Variants in RYR2 observed in about 807,000 individuals in gnomAD.
RYR2 encodes the protein cardiac muscle ryanodine receptor-calcium release channel.
Under a neutral mutation model 601.1 loss-of-function variants are expected in RYR2, and 227 were observed. That is an observed-to-expected ratio of 0.38 (90% confidence interval 0.34 to 0.42). RYR2 has a LOEUF of 0.42. Ranked by LOEUF, RYR2 falls within the 10% of genes least tolerant of loss-of-function variation. RYR2 has a pLI of 1.00. For synonymous variants in RYR2, 2,223 were observed against 2,175.1 expected (o/e 1.02, Z -0.61); for missense variants, 4,646 against 6,156.5 (o/e 0.75, Z 8.21).
intron 24 of RYR2, among the ~76,000 whole-genome samples, chr1:237,521,828 C>A (rs999965981): frequency 1.3e-5 from 2 of 152,104 alleles, no homozygotes; most frequent in African/African-American, 4.8e-5. Flanking sequence ...ATCCCAAAAT[C>A]TGGGGCCTCC....
At chr1:237,255,063 G>A (rs113127269) in intron 1 of RYR2, among the ~76,000 whole-genome samples, 55 of 152,284 alleles carry the variant, frequency 3.6e-4, no homozygotes, top group Middle Eastern at 3.4e-3. Context: ...CACACATTAT[G>A]ATGAAGTTTA....
Position 237,666,545 on chromosome 1 carries a change from C to T in RYR2, c.8470C>T (p.Arg2824Trp), listed in dbSNP as rs796052204. Residue 2824 changes from arginine to tryptophan, a missense_variant, in exon 57 of 105, where the codon CGG (arginine) becomes TGG (tryptophan). Physicochemically the swap from Arg to Trp is moderately radical, Grantham distance 101 (BLOSUM62 -3). Around this residue, in one of 17 missense-constraint regions of RYR2, gnomAD observed 1,497 missense variants for 1,842.6 expected, o/e 0.81. Coordinates refer to ENST00000366574, the MANE Select transcript of RYR2 (RefSeq NM_001035.3). ...GGACGCTGCCCATGGTTACAGTCCCCGGGCCATTGACATGAGCAATGTTAC... is the reference window on the plus strand; with the variant it reads ...GGACGCTGCCCATGGTTACAGTCCCTGGGCCATTGACATGAGCAATGTTAC... ...SVDAAHGYSP[R>W]AIDMSNVTLS... The T allele has an allele frequency of 8.1e-6, 13 of 1,612,338 alleles. No homozygotes were observed. Among genetic ancestry groups the T allele is most frequent in the South Asian group, 3.3e-5 (3 of 90,682 alleles).
chr1:237,743,860 T>C (rs16835696), intron 80 of RYR2, among the ~76,000 whole-genome samples: 3,230 of 152,316 alleles, frequency 0.021, 118 homozygotes, highest in African/African-American at 0.072. Flanking sequence ...CCAGCTAACT[T>C]TGAGCTGCAT....
At chr1:237,578,497 C>T (rs1434100349) in intron 29 of RYR2, among the ~76,000 whole-genome samples, 6 of 152,308 alleles carry the variant, frequency 3.9e-5, no homozygotes, top group South Asian at 2.1e-4. Flanking sequence ...TTCCCATTGC[C>T]GCCTTCTCTG....
chr1:237,325,382 A>G (rs1230075882), intron 2 of RYR2, among the ~76,000 whole-genome samples: 2 of 152,220 alleles, frequency 1.3e-5, no homozygotes, highest in African/African-American at 4.8e-5. Context: ...ATATGTATAC[A>G]TGTAAATGCA....
At chr1:237,641,992 C>A (rs1007501151) in intron 47 of RYR2, among the ~76,000 whole-genome samples, 18 of 150,204 alleles carry the variant, frequency 1.2e-4, no homozygotes, top group African/African-American at 4.4e-4. Flanking sequence ...AAAAAAAAAT[C>A]CTGGCCCAGG....
At chr1:237,792,013 A>G (rs1266977630) in intron 93 of RYR2, 92 bp from the exon 94 acceptor site, 14 of 887,402 alleles carry the variant, frequency 1.6e-5, no homozygotes, top group South Asian at 8.9e-5. Context: ...ACATCCAACT[A>G]TTTGCTGAAA....
In RYR2 at chr1:237,657,999, C is replaced by T. The variant is rs1355257069; in HGVS notation, c.8185C>T (p.His2729Tyr). The T allele has an allele frequency of 6.6e-7, 1 of 1,507,260 alleles. No homozygotes were observed. Among genetic ancestry groups the T allele is most frequent in the East Asian group, 2.6e-5 (1 of 37,890 alleles). The allele number at this position is 1,507,260 out of a possible 1,614,324, so 93.4% of individuals were successfully genotyped here. A position where few individuals can be genotyped will look rare whatever the true frequency, so the allele number is the denominator to read the frequency against. The change falls in exon 54 of 105, where the codon CAT (histidine) becomes TAT (tyrosine). Residue 2729 changes from histidine to tyrosine, a missense_variant. Coordinates refer to ENST00000366574, the MANE Select transcript of RYR2 (RefSeq NM_001035.3). ...YFINKYAEHS[H>Y]DKWSMDKLAN... ...CATTAACAAATATGCAGAACACTCC[C>T]ATGACAAATGGTCAATGGACAAGGT...
chr1:237,564,686 G>A lies in RYR2; in HGVS notation c.3215-1881G>A, dbSNP rs970331987. Among the ~76,000 whole-genome samples, 4 of 152,130 alleles carry A rather than the reference G, an allele frequency of 2.6e-5. No individual in the cohort carries two copies. The South Asian group carries it at 8.3e-4, about 31-fold the overall frequency. On this transcript the variant is annotated intron_variant, in intron 27 of 104. Coordinates refer to ENST00000366574, the MANE Select transcript of RYR2 (RefSeq NM_001035.3). ...TTTTCAAAATATATTTACTTACCAAGTAATAGGCATGAGAATTTACCCTTA... is the reference window on the plus strand; with the variant it reads ...TTTTCAAAATATATTTACTTACCAAATAATAGGCATGAGAATTTACCCTTA...
chr1:237,397,727 T>G (rs1323545137), intron 10 of RYR2, among the ~76,000 whole-genome samples: 1 of 149,012 alleles, frequency 6.7e-6, no homozygotes, highest in African/African-American at 2.4e-5. Flanking sequence ...TTGGTATCTT[T>G]TTTTTTTTTT....
chr1:237,717,156 G>A (rs1285280351), intron 71 of RYR2, 42 bp from the exon 72 acceptor site: 1 of 1,593,160 alleles, frequency 6.3e-7, no homozygotes. Flanking sequence ...CTACATGTGA[G>A]AAAAGCAGGT....
intron 9 of RYR2, among the ~76,000 whole-genome samples, 152 bp from the exon 10 acceptor site, chr1:237,387,935 G>A (rs950312811): frequency 1.8e-5 from 2 of 108,338 alleles, no homozygotes; most frequent in Admixed American, 2.5e-4. Flanking sequence ...GGGAACAGCA[G>A]GCACTGTCTA....
chr1:237,529,664 G>A (rs904994773), intron 24 of RYR2, among the ~76,000 whole-genome samples: 9 of 151,702 alleles, frequency 5.9e-5, no homozygotes, highest in African/African-American at 2.2e-4. Flanking sequence ...TATCAAGGCA[G>A]GAGAAACCAC....
At chr1:237,430,238 A>G (rs1048306897) in intron 12 of RYR2, among the ~76,000 whole-genome samples, 1 of 151,026 alleles carries the variant, frequency 6.6e-6, no homozygotes, top group Non-Finnish European at 1.5e-5. Flanking sequence ...AATATGTTAT[A>G]TACATAATAT....
chr1:237,351,792 A>G (rs988363066), intron 3 of RYR2, among the ~76,000 whole-genome samples: 1 of 147,734 alleles, frequency 6.8e-6, no homozygotes, highest in African/African-American at 2.5e-5. Flanking sequence ...CTTTCATAAT[A>G]CTTCCCAACT....
intron 78 of RYR2, among the ~76,000 whole-genome samples, chr1:237,733,449 G>C (rs140991632): frequency 1.4e-3 from 215 of 152,248 alleles, no homozygotes; most frequent in African/African-American, 4.4e-3. Context: ...TAAACCAAAA[G>C]ACAGTTTATT....
At chr1:237,379,492 G>C (rs1447441592) in intron 8 of RYR2, among the ~76,000 whole-genome samples, 1 of 152,234 alleles carries the variant, frequency 6.6e-6, no homozygotes, top group East Asian at 1.9e-4. Flanking sequence ...AATATGGGCA[G>C]AATTAAAAAG....
rs1451208472 is a variant in RYR2, at chr1:237,159,420, A to G, written c.49-111077A>G. 3.3e-5 allele frequency among the ~76,000 whole-genome samples: 5 copies of G among 152,332 alleles called. No homozygotes were observed. In the South Asian group the frequency reaches 8.3e-4, roughly 25 times the overall value. On this transcript the variant is annotated intron_variant, in intron 1 of 104. Coordinates refer to ENST00000366574, the MANE Select transcript of RYR2 (RefSeq NM_001035.3). ...TAAGGAAGAAGAGGTGATCAAATAG[A>G]CAGGAGAGATGTGTTACATGTGTGT...
intron 17 of RYR2, among the ~76,000 whole-genome samples, 172 bp from the exon 18 acceptor site, chr1:237,491,634 T>G (rs1663352308): frequency 6.6e-6 from 1 of 152,276 alleles, no homozygotes; most frequent in South Asian, 2.1e-4. Flanking sequence ...TGGATATTAG[T>G]CCCCTCTCCC....
Sources: gnomAD v4.1 joint callset for allele counts (sites outside exome capture counted in the v4.1 genomes callset) on GRCh38, gnomAD v4.1.1 for gene constraint, gnomAD v4.1.1 regional missense constraint, MANE v1.5 for transcripts, NCBI Gene and HGNC (gene_info 2026-07-23, HGNC 2026-07-21) for gene names.